RGS21: variants seen among roughly 807,000 people sequenced by gnomAD.
RGS21 encodes the protein regulator of G-protein signalling 21.
A neutral mutation model predicts 18.7 loss-of-function variants in RGS21; 19 were observed. That is an observed-to-expected ratio of 1.01 (90% CI 0.71 to 1.49). The LOEUF (loss-of-function observed/expected upper bound fraction) is 1.49, where lower values mean the gene tolerates loss of function less well. Among genes scored for constraint, RGS21 ranks in the 40% most tolerant of loss-of-function variants. The pLI, the probability that RGS21 is intolerant of heterozygous loss-of-function variation, is 0.00. For synonymous variants in RGS21, 56 were observed against 57.8 expected (o/e 0.97, Z 0.14); for missense variants, 194 against 176.8 (o/e 1.10, Z -0.55).
chr1:192,349,694 T>G (rs1446078585), intron 3 of RGS21, among the ~76,000 whole-genome samples: 1 of 152,144 alleles, frequency 6.6e-6, no homozygotes, highest in East Asian at 1.9e-4. Context: ...CCAGGTTTAG[T>G]TTTTTAAGCT....
chr1:192,349,166 A>G (rs568818704), intron 3 of RGS21, among the ~76,000 whole-genome samples: 75 of 152,270 alleles, frequency 4.9e-4, no homozygotes, highest in Non-Finnish European at 9.6e-4. Context: ...GTTGTGACTC[A>G]GAAGAATCCA....
At chr1:192,356,301 T>C (rs1413752710) in intron 4 of RGS21, among the ~76,000 whole-genome samples, 1 of 151,804 alleles carries the variant, frequency 6.6e-6, no homozygotes, top group African/African-American at 2.4e-5. Context: ...AATCCCTCCA[T>C]GGAAGAGCAG....
chr1:192,354,550 TATACTC>T (rs1659086595), intron 4 of RGS21, among the ~76,000 whole-genome samples: 1 of 151,644 alleles, frequency 6.6e-6, no homozygotes, highest in Non-Finnish European at 1.5e-5. Flanking sequence ...GTATTCTAGA[TATACTC>T]AGTAGGCAGA....
chr1:192,352,636 T>A (rs1422248564), intron 4 of RGS21, among the ~76,000 whole-genome samples: 1 of 152,002 alleles, frequency 6.6e-6, no homozygotes, highest in East Asian at 1.9e-4. Context: ...CAAAGTAATG[T>A]GTGGGGATTA....
chr1:192,324,487 AAG>A (rs1217999859), intron 1 of RGS21, among the ~76,000 whole-genome samples: 6 of 152,096 alleles, frequency 3.9e-5, no homozygotes, highest in Non-Finnish European at 1.5e-5. Context: ...TTCCCTTAAG[AAG>A]AGTATTTCAT....
At chr1:192,328,764 C>T (rs1263689054) in intron 1 of RGS21, among the ~76,000 whole-genome samples, 1 of 151,878 alleles carries the variant, frequency 6.6e-6, no homozygotes, top group African/African-American at 2.4e-5. Context: ...CTAGGATGTT[C>T]GTCACAGTAA....
intron 4 of RGS21, among the ~76,000 whole-genome samples, chr1:192,359,782 C>CTCTA (rs377717974): frequency 1.9e-4 from 27 of 145,200 alleles, no homozygotes; most frequent in African/African-American, 4.8e-4. Flanking sequence ...CTCTCTCTCT[C>CTCTA]TATATATATA....
intron 4 of RGS21, among the ~76,000 whole-genome samples, chr1:192,353,306 C>A (rs1003868536): frequency 1.3e-5 from 2 of 151,854 alleles, no homozygotes; most frequent in Non-Finnish European, 2.9e-5. Flanking sequence ...TTAATAGTCA[C>A]GTGAACCACT....
intron 1 of RGS21, among the ~76,000 whole-genome samples, chr1:192,331,961 A>T (rs1658664163): frequency 1.3e-5 from 2 of 152,058 alleles, no homozygotes; most frequent in Non-Finnish European, 2.9e-5. Flanking sequence ...ATTTTGGGGA[A>T]ATTATTTGAT....
At chr1:192,361,177 A>C (rs1343227613) in intron 4 of RGS21, among the ~76,000 whole-genome samples, 1 of 152,122 alleles carries the variant, frequency 6.6e-6, no homozygotes, top group Admixed American at 6.6e-5. Context: ...AATTAAAATA[A>C]CATATTATTT....
chr1:192,357,254 A>C (rs963545031), intron 4 of RGS21, among the ~76,000 whole-genome samples: 1 of 151,698 alleles, frequency 6.6e-6, no homozygotes, highest in Non-Finnish European at 1.5e-5. Flanking sequence ...AGCCAAGCAA[A>C]GGACTAGCCA....
intron 1 of RGS21, among the ~76,000 whole-genome samples, chr1:192,319,837 C>T (rs1658471201): frequency 6.6e-6 from 1 of 152,072 alleles, no homozygotes; most frequent in Admixed American, 6.6e-5. Flanking sequence ...TAGACTGGTT[C>T]TAATCCCAGC....
intron 4 of RGS21, among the ~76,000 whole-genome samples, chr1:192,364,673 T>C (rs1207168062): frequency 1.3e-5 from 2 of 152,106 alleles, no homozygotes; most frequent in East Asian, 1.9e-4. Context: ...AATTCTAACA[T>C]TTTTACCATC....
chr1:192,363,035 T>C (rs1659207658), intron 4 of RGS21, among the ~76,000 whole-genome samples: 1 of 152,122 alleles, frequency 6.6e-6, no homozygotes, highest in Admixed American at 6.6e-5. Flanking sequence ...TGTGAAAGAC[T>C]TAGGATAAAA....
chr1:192,320,390 A>G (rs933677950), intron 1 of RGS21, among the ~76,000 whole-genome samples: 2 of 152,136 alleles, frequency 1.3e-5, no homozygotes, highest in Non-Finnish European at 2.9e-5. Flanking sequence ...ATGCACACAG[A>G]TGTTCAACAT....
At chr1:192,350,600 G>A (rs185820675) in intron 3 of RGS21, among the ~76,000 whole-genome samples, 4 of 152,288 alleles carry the variant, frequency 2.6e-5, no homozygotes, top group African/African-American at 7.2e-5. Flanking sequence ...CAACGTTCTG[G>A]AAGGCAAATT....
intron 4 of RGS21, among the ~76,000 whole-genome samples, chr1:192,353,949 A>T (rs1324146779): frequency 6.6e-6 from 1 of 151,598 alleles, no homozygotes; most frequent in African/African-American, 2.4e-5. Flanking sequence ...ACGCAAGTAT[A>T]AATATGTATA....
intron 1 of RGS21, among the ~76,000 whole-genome samples, chr1:192,340,955 G>A (rs745917655): frequency 6.6e-6 from 1 of 152,098 alleles, no homozygotes; most frequent in Non-Finnish European, 1.5e-5. Context: ...AATTCAAGAT[G>A]AAATTTGGGT....
At chr1:192,321,912 C>T (rs559186059) in intron 1 of RGS21, among the ~76,000 whole-genome samples, 4 of 151,924 alleles carry the variant, frequency 2.6e-5, no homozygotes, top group South Asian at 2.1e-4. Flanking sequence ...AAACACACAC[C>T]CACAATTTTC....
Sources: gnomAD v4.1 joint callset for allele counts (sites outside exome capture counted in the v4.1 genomes callset) on GRCh38, gnomAD v4.1.1 for gene constraint, MANE v1.5 for transcripts, NCBI Gene and HGNC (gene_info 2026-07-23, HGNC 2026-07-21) for gene names.